The following PTPMT1 variants were observed in gnomAD, a reference collection of about 807,000 sequenced individuals.
The protein encoded by PTPMT1 is phosphatidylglycerophosphatase and protein-tyrosine phosphatase 1.
Under a neutral mutation model 17.8 loss-of-function variants are expected in PTPMT1, and 12 were observed. The ratio of observed to expected loss-of-function variants is 0.67; its 90% confidence interval spans 0.43 to 1.09. The LOEUF (loss-of-function observed/expected upper bound fraction) is 1.09, where lower values mean the gene tolerates loss of function less well. PTPMT1 is among the 50% of genes least tolerant of loss of function. PTPMT1 has a pLI of 0.00. For synonymous variants in PTPMT1, 132 were observed against 116.8 expected (o/e 1.13, Z -0.84); for missense variants, 262 against 266.0 (o/e 0.99, Z 0.10).
At position 47,572,731 on chromosome 11, in the gene PTPMT1, G is replaced by A. The variant is rs2097251390; in HGVS notation, c.*1102G>A. ...ATGGCAGAGAACAGGCTGGCCTACT[G>A]TCAGTTCAAGCAACCAGCTGAGCAG... On this transcript the variant is annotated 3_prime_UTR_variant, in exon 4 of 4. Coordinates refer to ENST00000326674, the MANE Select transcript of PTPMT1 (RefSeq NM_175732.3). 4.9e-6 allele frequency: 3 copies of A among 607,670 alleles called. No homozygotes were observed. The East Asian group carries it at 8.4e-5, about 17-fold the overall frequency. 37.6% of individuals were successfully genotyped at this position (607,670 alleles called of 1,614,324 possible).
chr11:47,565,809 G>GGGGAGCCCGGGCCCCTGCCCC lies in PTPMT1; in HGVS notation c.174+15_174+35dup. ...CTTGACGCGCCAGGTGAGCCGGGCC[G>GGGGAGCCCGGGCCCCTGCCCC]GGGAGCCCGGGCCCCTGCCCCGTCC... On this transcript the variant is annotated intron_variant, in intron 1 of 3. Coordinates refer to ENST00000326674, the MANE Select transcript of PTPMT1 (RefSeq NM_175732.3). 1 of 1,584,808 alleles carries GGGGAGCCCGGGCCCCTGCCCC rather than the reference G, an allele frequency of 6.3e-7. No individual in the cohort carries two copies. Among genetic ancestry groups the GGGGAGCCCGGGCCCCTGCCCC allele is most frequent in the Non-Finnish European group, 8.6e-7 (1 of 1,166,714 alleles).
intron 3 of PTPMT1, among the ~76,000 whole-genome samples, chr11:47,570,264 T>C (rs1170919399): frequency 6.6e-6 from 1 of 151,194 alleles, no homozygotes; most frequent in Non-Finnish European, 1.5e-5. Context: ...CATGGTCTAC[T>C]GGTGGGCCTT....
Position 47,572,978 on chromosome 11 carries a change from T to A in PTPMT1, c.*1349T>A. The A allele has an allele frequency of 6.2e-7, 1 of 1,614,178 alleles. No individual in the cohort carries two copies. The highest frequency in any genetic ancestry group is 8.5e-7 in the Non-Finnish European group (1 of 1,180,024). On this transcript the variant is annotated 3_prime_UTR_variant, in exon 4 of 4. Transcript: ENST00000326674. ...TGGTAAGCAGCACCTTAATACCTCT[T>A]GTGACAGTTACGGCTGAAGTGGCAG...
intron 2 of PTPMT1, among the ~76,000 whole-genome samples, chr11:47,568,400 G>T: frequency 6.6e-6 from 1 of 151,940 alleles, no homozygotes; most frequent in Admixed American, 6.6e-5. Flanking sequence ...CACTGGCTGG[G>T]CCTGGTGGCT....
intron 3 of PTPMT1, among the ~76,000 whole-genome samples, chr11:47,570,258 G>C (rs1429413279): frequency 6.6e-6 from 1 of 151,510 alleles, no homozygotes; most frequent in Non-Finnish European, 1.5e-5. Context: ...CAATAGCATG[G>C]TCTACTGGTG....
chr11:47,569,852 C>T lies in PTPMT1; in HGVS notation c.408C>T (p.Arg136=). ...TTTACGTGCATTGTAAGGCTGGGCG[C>T]TCCAGGAGTGCCACTATGGTGGCAG... ...QCVYVHCKAG[R]SRSATMVAAY... Residue 136 remains arginine (R), a synonymous_variant, in exon 3 of 4, where the codon CGC becomes CGT. Coordinates refer to ENST00000326674, the MANE Select transcript of PTPMT1 (RefSeq NM_175732.3). 6.2e-7 allele frequency: 1 copy of T among 1,613,694 alleles called. No individual in the cohort carries two copies.
Position 47,573,174 on chromosome 11 carries a change from C to T in PTPMT1, c.*1545C>T, listed in dbSNP as rs754683732. On this transcript the variant is annotated 3_prime_UTR_variant, in exon 4 of 4. Transcript: ENST00000326674. This position sits in a 1 kb window ranked among gnomAD's most constrained non-coding sequence, Gnocchi z 4.1. ...GGGATTGTAGCACACCAGGGAGTCCCCTTCAGCCACGATGAACACCAGATC... is the reference window on the plus strand; with the variant it reads ...GGGATTGTAGCACACCAGGGAGTCCTCTTCAGCCACGATGAACACCAGATC... 4 of 1,614,020 alleles carry T rather than the reference C, an allele frequency of 2.5e-6. No individual in the cohort carries two copies. The Admixed American group carries it at 6.7e-5, about 27-fold the overall frequency.
intron 2 of PTPMT1, 138 bp from the exon 3 acceptor site, chr11:47,569,562 A>G: frequency 1.8e-6 from 1 of 571,258 alleles, no homozygotes; most frequent in East Asian, 3.2e-5. Context: ...CTATTTTAGA[A>G]AACAGGCAAC....
chr11:47,567,716 T>G (rs989652287), intron 2 of PTPMT1, among the ~76,000 whole-genome samples: 17 of 151,586 alleles, frequency 1.1e-4, no homozygotes, highest in African/African-American at 4.1e-4. Context: ...CCTGCCAGCA[T>G]GCCTGGCTAA....
intron 2 of PTPMT1, 74 bp from the exon 3 acceptor site, chr11:47,569,626 T>C: frequency 8.3e-7 from 1 of 1,205,558 alleles, no homozygotes; most frequent in East Asian, 2.4e-5. Context: ...TTGCTGCTTC[T>C]TGGGAGCCCC....
intron 2 of PTPMT1, among the ~76,000 whole-genome samples, chr11:47,569,373 G>A (rs1384767222): frequency 2.2e-5 from 3 of 136,160 alleles, no homozygotes; most frequent in Admixed American, 7.8e-5. Context: ...GCAACAGAGC[G>A]AGACTCTGTC....
rs769031702 is a variant in PTPMT1, at chr11:47,565,828, C to G, written c.174+32C>G. The G allele has an allele frequency of 3.1e-6, 5 of 1,592,216 alleles. No individual in the cohort carries two copies. In the South Asian group the frequency reaches 4.5e-5, roughly 14 times the overall value. On this transcript the variant is annotated intron_variant, in intron 1 of 3. Transcript: ENST00000326674. ...CGGGCCGGGGAGCCCGGGCCCCTGC[C>G]CCGTCCCCGCCGCTCCGTCCCTGTC...
chr11:47,569,950 G>A, intron 3 of PTPMT1, 59 bp downstream of exon 3: 1 of 1,427,306 alleles, frequency 7.0e-7, no homozygotes, highest in Non-Finnish European at 9.6e-7. Context: ...CCAGCACTTT[G>A]GGAGGCTTGA....
intron 2 of PTPMT1, 25 bp downstream of exon 2, chr11:47,566,011 G>A: frequency 7.0e-7 from 1 of 1,421,300 alleles, no homozygotes; most frequent in Non-Finnish European, 9.1e-7. Flanking sequence ...CGAGGGGCAG[G>A]CTCGGGGGCC....
intron 2 of PTPMT1, 104 bp from the exon 3 acceptor site, chr11:47,569,596 C>G (rs1187740204): frequency 1.3e-5 from 11 of 841,546 alleles, no homozygotes; most frequent in Non-Finnish European, 2.0e-5. Flanking sequence ...TGTAGTAAAC[C>G]CTGAAACTTC....
rs776865061 is a variant in PTPMT1, at chr11:47,571,588, C to A, written c.565C>A (p.Arg189=). 5 of 1,613,862 alleles carry A rather than the reference C, an allele frequency of 3.1e-6. No homozygotes were observed. The highest frequency in any genetic ancestry group is 4.2e-6 in the Non-Finnish European group (5 of 1,179,992). The change falls in exon 4 of 4, where the codon CGG becomes AGG. Residue 189 remains arginine (R), a synonymous_variant. Coordinates refer to ENST00000326674, the MANE Select transcript of PTPMT1 (RefSeq NM_175732.3). ...AGAGTTCCACAAGCAGATTACTGCACGGGCAACAAAGGATGGGACTTTTGT... is the reference window on the plus strand; with the variant it reads ...AGAGTTCCACAAGCAGATTACTGCAAGGGCAACAAAGGATGGGACTTTTGT... The part of the protein sequence containing the change: ...LKEFHKQITA[R]ATKDGTFVIS...
Position 47,572,865 on chromosome 11 carries a change from A to T in PTPMT1, c.*1236A>T. On this transcript the variant is annotated 3_prime_UTR_variant, in exon 4 of 4. Transcript: ENST00000326674. Reference sequence around the variant, plus strand: ...AAAACATAACTCTGAATTGGGGCCCAGGGGACTTTGAGTTTGTATGGGGAG... The same window carrying T: ...AAAACATAACTCTGAATTGGGGCCCTGGGGACTTTGAGTTTGTATGGGGAG... 1 of 1,532,736 alleles carries T rather than the reference A, an allele frequency of 6.5e-7. No individual in the cohort carries two copies. Among genetic ancestry groups the T allele is most frequent in the Non-Finnish European group, 8.8e-7 (1 of 1,131,624 alleles). The allele number at this position is 1,532,736 out of a possible 1,614,324, so 94.9% of individuals were successfully genotyped here.
At chr11:47,570,590 A>T (rs886300267) in intron 3 of PTPMT1, among the ~76,000 whole-genome samples, 3 of 152,216 alleles carry the variant, frequency 2.0e-5, no homozygotes, top group Non-Finnish European at 4.4e-5. Context: ...AATAGTGCTG[A>T]TCATTTTCAG....
chr11:47,567,559 CTTTTTT>C (rs370022255), intron 2 of PTPMT1, among the ~76,000 whole-genome samples: 6 of 116,174 alleles, frequency 5.2e-5, no homozygotes, highest in East Asian at 5.1e-4. Context: ...TATTTCTTTT[CTTTTTT>C]TTTTTTTTTT....
Sources: allele counts gnomAD v4.1 joint callset (sites outside exome capture counted in the v4.1 genomes callset), GRCh38; gene constraint gnomAD v4.1.1; non-coding constraint Gnocchi (gnomAD v3.1); transcripts MANE v1.5; gene names NCBI Gene and HGNC (gene_info 2026-07-23, HGNC 2026-07-21).